SGCD: variants seen among roughly 807,000 people sequenced by gnomAD.
SGCD encodes the protein delta-sarcoglycan.
SGCD carries 18 observed loss-of-function variants against 36.6 expected under a neutral mutation model. The ratio of observed to expected loss-of-function variants is 0.49; its 90% CI spans 0.34 to 0.73. The LOEUF is 0.73. SGCD is among the 30% of genes least tolerant of loss of function. The probability of loss-of-function intolerance (pLI) is 0.01; values close to 1 mark genes in which losing one functional copy is unlikely to be tolerated. For missense variants in SGCD, 387 were observed against 346.7 expected (o/e 1.12, Z -0.92); for synonymous variants, 133 against 130.6 (o/e 1.02, Z -0.12).
intron 4 of SGCD, among the ~76,000 whole-genome samples, chr5:156,571,765 A>G (rs573121811): frequency 6.6e-6 from 1 of 152,354 alleles, no homozygotes; most frequent in South Asian, 2.1e-4. Context: ...TAAAATACAC[A>G]TGATATAAAA....
chr5:156,379,607 A>C (rs1446671871), intron 3 of SGCD, among the ~76,000 whole-genome samples: 1 of 152,176 alleles, frequency 6.6e-6, no homozygotes, highest in Admixed American at 6.6e-5. Context: ...AGCAGTGATT[A>C]TAGTTTTTAT....
intron 3 of SGCD, among the ~76,000 whole-genome samples, chr5:156,156,678 C>T (rs906280198): frequency 6.6e-5 from 10 of 151,306 alleles, no homozygotes; most frequent in Admixed American, 1.3e-4. Flanking sequence ...CCAAACCTAT[C>T]GAATTAGAGA....
chr5:155,950,060 A>T (rs534611876), intron 1 of SGCD, among the ~76,000 whole-genome samples: 1 of 152,308 alleles, frequency 6.6e-6, no homozygotes, highest in East Asian at 1.9e-4. Context: ...TATTGCAAGC[A>T]ATAGAAAACT....
intron 7 of SGCD, among the ~76,000 whole-genome samples, chr5:156,755,003 A>G (rs1189212192): frequency 1.3e-5 from 2 of 152,256 alleles, no homozygotes; most frequent in East Asian, 3.8e-4. Flanking sequence ...AGGAAAAACT[A>G]GAGACAAAAC....
At chr5:156,147,858 C>T (rs1437211597) in intron 3 of SGCD, among the ~76,000 whole-genome samples, 1 of 152,144 alleles carries the variant, frequency 6.6e-6, no homozygotes, top group Non-Finnish European at 1.5e-5. Context: ...TTAAATGACT[C>T]ATTGAAGCCT....
chr5:156,524,229 G>A (rs1320950072), intron 4 of SGCD, among the ~76,000 whole-genome samples: 2 of 134,240 alleles, frequency 1.5e-5, no homozygotes, highest in Non-Finnish European at 1.6e-5. Context: ...TATATAAAGA[G>A]AGAGTAATAT....
chr5:156,614,094 G>A (rs1476281761), intron 6 of SGCD, among the ~76,000 whole-genome samples: 4 of 152,158 alleles, frequency 2.6e-5, no homozygotes, highest in South Asian at 4.2e-4. Context: ...TTACAGGTAC[G>A]CACCATCACA....
chr5:156,679,724 C>T (rs767395725), intron 7 of SGCD, among the ~76,000 whole-genome samples: 13 of 152,182 alleles, frequency 8.5e-5, no homozygotes, highest in African/African-American at 2.7e-4. Flanking sequence ...CCTGCGGCTA[C>T]GTTACTTAGA....
rs563190506 is a variant in SGCD at position 156,505,206 on chromosome 5, G to A, written c.193-3395G>A. ...TTGTTGCAGGTTCCACCTGCTGCAGGTGAGACACGTGCCATGTCCCCCAGC... is the reference window on the plus strand; with the variant it reads ...TTGTTGCAGGTTCCACCTGCTGCAGATGAGACACGTGCCATGTCCCCCAGC... On this transcript the variant is annotated intron_variant, in intron 3 of 8. Transcript: ENST00000337851. Among the ~76,000 whole-genome samples the A allele has an allele frequency of 7.3e-4, 111 of 152,314 alleles. No individual in the cohort carries two copies. The Middle Eastern group carries it at 0.01, about 14-fold the overall frequency.
rs12517812 is a variant in SGCD, at chr5:155,890,677, T to C, written c.-282+20253T>C. Among the ~76,000 whole-genome samples, 483 of 150,670 alleles carry C rather than the reference T, an allele frequency of 3.2e-3. 2 individuals carry two copies. The highest frequency in any genetic ancestry group is 0.019 in the South Asian group (92 of 4,742). ...ATAGATAGATAGATAGATAGATAGA[T>C]AGACAGATAGATAGGAGAACCAGGC... On this transcript the variant is annotated intron_variant, in intron 1 of 9. Coordinates refer to the SGCD transcript ENST00000517913.
At chr5:156,071,141 T>G (rs1325094268) in intron 1 of SGCD, among the ~76,000 whole-genome samples, 1 of 152,210 alleles carries the variant, frequency 6.6e-6, no homozygotes, top group Non-Finnish European at 1.5e-5. Context: ...TCAGTTCTGC[T>G]CTGATTTTAG....
intron 7 of SGCD, among the ~76,000 whole-genome samples, chr5:156,728,347 T>C (rs980748403): frequency 6.6e-6 from 1 of 151,838 alleles, no homozygotes; most frequent in Non-Finnish European, 1.5e-5. Context: ...ATCCCGTCTC[T>C]ACCAAATTTC....
chr5:156,433,510 C>T (rs1753114946), intron 3 of SGCD, among the ~76,000 whole-genome samples: 1 of 152,082 alleles, frequency 6.6e-6, no homozygotes, highest in African/African-American at 2.4e-5. Flanking sequence ...TTAGCAAGCC[C>T]CTGTCTCTTT....
intron 1 of SGCD, among the ~76,000 whole-genome samples, chr5:156,113,854 T>TA (rs1450488069): frequency 1.3e-5 from 2 of 152,122 alleles, no homozygotes; most frequent in African/African-American, 2.4e-5. Flanking sequence ...TATCAAGCCA[T>TA]AAAAGTACAT....
chr5:156,086,546 T>G (rs1175976344), intron 1 of SGCD, among the ~76,000 whole-genome samples: 1 of 152,206 alleles, frequency 6.6e-6, no homozygotes, highest in Non-Finnish European at 1.5e-5. Flanking sequence ...TTCTGATGAC[T>G]TGAGTTATTG....
At chr5:156,087,183 G>A (rs1761119522) in intron 1 of SGCD, among the ~76,000 whole-genome samples, 1 of 152,190 alleles carries the variant, frequency 6.6e-6, no homozygotes, top group African/African-American at 2.4e-5. Context: ...CTGAATCAGA[G>A]TGCAAATCAT....
the SGCD span, among the ~76,000 whole-genome samples, chr5:155,865,083 CATAGATAG>C: frequency 0.014 from 2,022 of 144,138 alleles, 33 homozygotes; most frequent in African/African-American, 0.04. Flanking sequence ...TATACATAGC[CATAGATAG>C]ATAGATAGAT....
intron 3 of SGCD, among the ~76,000 whole-genome samples, chr5:156,214,626 C>T (rs759960688): frequency 5.3e-4 from 81 of 151,948 alleles, no homozygotes; most frequent in Non-Finnish European, 9.0e-4. Context: ...CCACAAAAGA[C>T]TTTAAATAGC....
At chr5:155,884,116 T>C (rs1244285040) in intron 1 of SGCD, among the ~76,000 whole-genome samples, 6 of 152,342 alleles carry the variant, frequency 3.9e-5, no homozygotes, top group Admixed American at 2.6e-4. Flanking sequence ...AGCCATTCTG[T>C]ATACAACTTA....
Sources: allele counts gnomAD v4.1 joint callset (sites outside exome capture counted in the v4.1 genomes callset), GRCh38; gene constraint gnomAD v4.1.1; transcripts MANE v1.5; gene names NCBI Gene and HGNC (gene_info 2026-07-23, HGNC 2026-07-21).